RAP1GDS1: variants seen among roughly 807,000 people sequenced by gnomAD.
RAP1GDS1 encodes the protein Rap1 GTPase-GDP dissociation stimulator 1, also known as RAP1, GTP-GDP dissociation stimulator 1.
In RAP1GDS1, 35 loss-of-function variants were observed where a neutral mutation model predicts 71.1. The ratio of observed to expected loss-of-function variants is 0.49; its 90% confidence interval spans 0.38 to 0.65. RAP1GDS1 has a LOEUF of 0.65. RAP1GDS1 is among the 30% of genes least tolerant of loss of function. The pLI is 0.00. For missense variants in RAP1GDS1, 663 were observed against 706.1 expected (o/e 0.94, Z 0.69); for synonymous variants, 229 against 243.1 (o/e 0.94, Z 0.54).
chr4:98,384,530 G>T (rs1213678751), intron 5 of RAP1GDS1, among the ~76,000 whole-genome samples: 1 of 151,610 alleles, frequency 6.6e-6, no homozygotes, highest in Admixed American at 6.6e-5. Flanking sequence ...GGTGCCTCTT[G>T]CTAATTCAAC....
In RAP1GDS1 at chr4:98,281,991, T is replaced by C. The variant is rs182989309; in HGVS notation, c.5-11417T>C. On this transcript the variant is annotated intron_variant, in intron 1 of 14. Transcript: ENST00000408927. ...ATCGTGGTAGGTAAGCTTTTTGATG[T>C]GCTGCTGGATTCGGTTTGCCAGTAT... Among the ~76,000 whole-genome samples, 751 of 152,318 alleles carry C rather than the reference T, an allele frequency of 4.9e-3. 7 individuals are homozygous for C. The highest frequency in any genetic ancestry group is 0.018 in the South Asian group (85 of 4,822).
chr4:98,414,772 T>C (rs1747671950), intron 7 of RAP1GDS1, among the ~76,000 whole-genome samples: 1 of 152,114 alleles, frequency 6.6e-6, no homozygotes, highest in African/African-American at 2.4e-5. Flanking sequence ...GGTAGCTTTA[T>C]GGGGATGGCA....
rs532249695 is a variant in RAP1GDS1, at chr4:98,372,295, TG to T, written c.362-6719del. On this transcript the variant is annotated intron_variant, in intron 4 of 14. Transcript: ENST00000408927. The stretch of plus-strand genomic sequence containing the variant: ...CTTCTGCCTCAGCATCATGAATAGC[TG>T]GGACTATAGGTGCACGCCACCATGC... Among the ~76,000 whole-genome samples, 723 of 152,290 alleles carry T rather than the reference TG, an allele frequency of 4.7e-3. 4 individuals carry two copies. The highest frequency in any genetic ancestry group is 8.0e-3 in the Admixed American group (122 of 15,292).
intron 1 of RAP1GDS1, among the ~76,000 whole-genome samples, chr4:98,280,325 AT>A (rs1185354405): frequency 6.6e-6 from 1 of 152,156 alleles, no homozygotes; most frequent in African/African-American, 2.4e-5. Context: ...ATGGTATCTC[AT>A]TGTGGCATTG....
At chr4:98,350,311 G>A (rs2110416347) in intron 3 of RAP1GDS1, among the ~76,000 whole-genome samples, 1 of 152,286 alleles carries the variant, frequency 6.6e-6, no homozygotes, top group South Asian at 2.1e-4. Flanking sequence ...TCTTGTTTTA[G>A]TAGTCAATGA....
At chr4:98,378,694 C>T (rs1741536369) in intron 4 of RAP1GDS1, among the ~76,000 whole-genome samples, 1 of 151,820 alleles carries the variant, frequency 6.6e-6, no homozygotes, top group African/African-American at 2.4e-5. Context: ...TTCTCTTACA[C>T]AGCATTGTCA....
At chr4:98,267,902 A>G (rs1056846977) in intron 1 of RAP1GDS1, among the ~76,000 whole-genome samples, 1 of 152,206 alleles carries the variant, frequency 6.6e-6, no homozygotes, top group Non-Finnish European at 1.5e-5. Flanking sequence ...TTCTGTTTTA[A>G]GTTCGTCGAG....
intron 3 of RAP1GDS1, among the ~76,000 whole-genome samples, chr4:98,346,380 T>TA (rs1736255633): frequency 6.6e-6 from 1 of 152,084 alleles, no homozygotes; most frequent in Admixed American, 6.6e-5. Context: ...CTCTATTCCA[T>TA]AACAGGTACA....
intron 6 of RAP1GDS1, among the ~76,000 whole-genome samples, chr4:98,394,029 A>C (rs1744144045): frequency 6.6e-6 from 1 of 152,106 alleles, no homozygotes; most frequent in Non-Finnish European, 1.5e-5. Context: ...CTCCCTTTTG[A>C]AGTTTTAGGA....
chr4:98,354,967 C>A (rs1338958818), intron 4 of RAP1GDS1, among the ~76,000 whole-genome samples: 1 of 152,140 alleles, frequency 6.6e-6, no homozygotes, highest in African/African-American at 2.4e-5. Flanking sequence ...CCATAGACTG[C>A]ATGCTTTCTT....
chr4:98,359,469 A>G (rs926779396), intron 4 of RAP1GDS1, among the ~76,000 whole-genome samples: 1 of 152,184 alleles, frequency 6.6e-6, no homozygotes, highest in Non-Finnish European at 1.5e-5. Flanking sequence ...CTGTCTTCCC[A>G]GTAAGGTAGA....
At chr4:98,379,257 A>T (rs1176891014) in intron 5 of RAP1GDS1, 94 bp downstream of exon 5, 1 of 1,189,336 alleles carries the variant, frequency 8.4e-7, no homozygotes, top group East Asian at 2.8e-5. Context: ...AAAATGATGA[A>T]CAAAGAATTC....
intron 3 of RAP1GDS1, among the ~76,000 whole-genome samples, chr4:98,346,367 G>A (rs997943310): frequency 6.6e-6 from 1 of 151,776 alleles, no homozygotes; most frequent in Non-Finnish European, 1.5e-5. Flanking sequence ...TTTTAATTTT[G>A]CCCTCTATTC....
chr4:98,331,197 G>A (rs1161517535), intron 2 of RAP1GDS1, among the ~76,000 whole-genome samples: 1 of 152,152 alleles, frequency 6.6e-6, no homozygotes, highest in Non-Finnish European at 1.5e-5. Context: ...TCGGCAGGCT[G>A]AGGCAGGAGA....
At chr4:98,290,515 T>G (rs987332948) in intron 1 of RAP1GDS1, among the ~76,000 whole-genome samples, 5 of 152,134 alleles carry the variant, frequency 3.3e-5, no homozygotes, top group Non-Finnish European at 7.4e-5. Context: ...TTAGGTCTTA[T>G]GAAAACTCTT....
intron 2 of RAP1GDS1, among the ~76,000 whole-genome samples, chr4:98,324,820 A>G (rs1171294459): frequency 1.3e-5 from 2 of 151,764 alleles, no homozygotes; most frequent in Non-Finnish European, 2.9e-5. Flanking sequence ...TAAAAACCCT[A>G]GAAGAAAACC....
At chr4:98,430,533 G>A (rs1750254598) in intron 12 of RAP1GDS1, among the ~76,000 whole-genome samples, 1 of 152,196 alleles carries the variant, frequency 6.6e-6, no homozygotes, top group Non-Finnish European at 1.5e-5. Context: ...TGCATAGGTA[G>A]ATTAGTTATG....
intron 12 of RAP1GDS1, among the ~76,000 whole-genome samples, chr4:98,426,804 G>T (rs531692291): frequency 1.3e-5 from 2 of 152,068 alleles, no homozygotes; most frequent in Admixed American, 1.3e-4. Context: ...AGAATAATTG[G>T]TACCAATCCT....
rs1196755143 is a variant in RAP1GDS1 at position 98,379,057 on chromosome 4, G to GAT, written c.403_404dup (p.Val136LeufsTer2). 6.2e-7 allele frequency: 1 copy of GAT among 1,608,544 alleles called. No homozygotes were observed. The highest frequency in any genetic ancestry group is 2.2e-5 in the East Asian group (1 of 44,666). On this transcript the variant is annotated frameshift_variant, in exon 5 of 15. Coordinates refer to ENST00000408927, the MANE Select transcript of RAP1GDS1 (RefSeq NM_001100427.2). LOFTEE classifies it high-confidence loss of function. ...CAGTTGACCAAGCAGGTGGTGCACAGATTGTAATTGACCATTTAAGGTCAC... is the reference window on the plus strand; with the variant it reads ...CAGTTGACCAAGCAGGTGGTGCACAGATATTGTAATTGACCATTTAAGGTCAC...
Sources: gnomAD v4.1 joint callset for allele counts (sites outside exome capture counted in the v4.1 genomes callset) on GRCh38, gnomAD v4.1.1 for gene constraint, MANE v1.5 for transcripts, NCBI Gene and HGNC (gene_info 2026-07-23, HGNC 2026-07-21) for gene names.